RHAG: variants seen among roughly 807,000 people sequenced by gnomAD.
RHAG encodes the protein Rh associated glycoprotein, also known as ammonium transporter Rh type A.
Under a neutral mutation model 42.4 loss-of-function variants are expected in RHAG, and 25 were observed. The observed-to-expected ratio is 0.59, with a 90% CI of 0.43 to 0.82. The LOEUF (loss-of-function observed/expected upper bound fraction) is 0.82, where lower values mean the gene tolerates loss of function less well. RHAG is among the 40% of genes least tolerant of loss of function. RHAG has a pLI of 0.00. For missense variants in RHAG, 483 were observed against 504.6 expected (o/e 0.96, Z 0.41); for synonymous variants, 182 against 177.7 (o/e 1.02, Z -0.19).
chr6:49,606,705 A>G (rs1160918211), intron 9 of RHAG, 143 bp downstream of exon 9: 21 of 702,148 alleles, frequency 3.0e-5, no homozygotes, highest in Non-Finnish European at 2.9e-5. Flanking sequence ...CAACGTGCTG[A>G]GATTACATGT....
chr6:49,633,113 C>A (rs1421257190), intron 1 of RHAG, among the ~76,000 whole-genome samples: 2 of 152,160 alleles, frequency 1.3e-5, no homozygotes, highest in African/African-American at 4.8e-5. Context: ...CGACAGAATA[C>A]AAGTGATGAG....
intron 9 of RHAG, 91 bp downstream of exon 9, chr6:49,606,757 C>A (rs1017593562): frequency 9.0e-6 from 8 of 891,326 alleles, no homozygotes; most frequent in African/African-American, 8.3e-5. Flanking sequence ...TTTCATCACA[C>A]CTATGCACAC....
At chr6:49,612,126 C>T (rs1257773241) in intron 6 of RHAG, among the ~76,000 whole-genome samples, 1 of 152,040 alleles carries the variant, frequency 6.6e-6, no homozygotes, top group East Asian at 1.9e-4. Flanking sequence ...ATGGAGCAGT[C>T]CCAAAGGAAA....
chr6:49,632,124 G>A (rs1453229949), intron 1 of RHAG: 2 of 152,144 alleles, frequency 1.3e-5, no homozygotes, highest in South Asian at 2.1e-4. Context: ...TTTGCCTTTT[G>A]TGTATGACAT....
At chr6:49,609,628 T>C (rs1368953045) in intron 7 of RHAG, among the ~76,000 whole-genome samples, 3 of 152,172 alleles carry the variant, frequency 2.0e-5, no homozygotes, top group Admixed American at 2.0e-4. Flanking sequence ...GGTTAAAAAA[T>C]ACAGAAGAAA....
intron 5 of RHAG, 67 bp from the exon 6 acceptor site, chr6:49,612,601 T>C: frequency 6.3e-7 from 1 of 1,587,420 alleles, no homozygotes; most frequent in Non-Finnish European, 8.6e-7. Flanking sequence ...GATCAGAGGA[T>C]TCTAGAGTTC....
At chr6:49,635,489 A>G (rs1762997104) in intron 1 of RHAG, among the ~76,000 whole-genome samples, 1 of 152,166 alleles carries the variant, frequency 6.6e-6, no homozygotes, top group Non-Finnish European at 1.5e-5. Flanking sequence ...GGATGAATGA[A>G]TGAAATGTAC....
At chr6:49,608,789 C>T (rs911111274) in intron 7 of RHAG, among the ~76,000 whole-genome samples, 1 of 152,016 alleles carries the variant, frequency 6.6e-6, no homozygotes, top group Non-Finnish European at 1.5e-5. Flanking sequence ...CATGCTTTAT[C>T]GCTTTGATAA....
chr6:49,612,503 C>G lies in RHAG; in HGVS notation c.839G>C (p.Gly280Ala). The stretch of plus-strand genomic sequence containing the variant: ...ATCCGCACAAGTGCCCACAGCAACT[C>G]CTCCAGCAAGGGTGGCATTCTGAAT... Reference protein sequence around the residue: ...VHIQNATLAGGVAVGTCADMA... With the variant: ...VHIQNATLAGAVAVGTCADMA... The change falls in exon 6 of 10, where the codon GGA becomes GCA. Residue 280 changes from glycine (G) to alanine (A), a missense_variant. Gly to Ala is a moderately conservative substitution (Grantham distance 60). Coordinates refer to ENST00000371175, the MANE Select transcript of RHAG (RefSeq NM_000324.3). The G allele has an allele frequency of 6.2e-7, 1 of 1,614,098 alleles. No individual in the cohort carries two copies. The highest frequency in any genetic ancestry group is 8.5e-7 in the Non-Finnish European group (1 of 1,180,002).
chr6:49,625,827 A>G (rs1178771255), intron 1 of RHAG, among the ~76,000 whole-genome samples: 2 of 152,192 alleles, frequency 1.3e-5, no homozygotes, highest in East Asian at 3.8e-4. Context: ...TCACAGTTCC[A>G]CAAGGCTGGG....
In RHAG at chr6:49,607,209, A is replaced by G. The variant is rs1339169605; in HGVS notation, c.1079T>C (p.Met360Thr). Residue 360 changes from methionine (M) to threonine (T), a missense_variant, in exon 8 of 10, where the codon ATG (methionine) becomes ACG (threonine). Physicochemically the swap from Met to Thr is moderately conservative, Grantham distance 81. Transcript: ENST00000371175. ...AMGASNTSMA[M>T]QAAALGSSIG... ...AGAGGAACCCAGTGCAGCTGCCTGC[A>G]TGGCCATAGACCTAAGGAAGCAAAC... 6.2e-7 allele frequency: 1 copy of G among 1,613,560 alleles called. No individual in the cohort carries two copies. Among genetic ancestry groups the G allele is most frequent in the Admixed American group, 1.7e-5 (1 of 59,940 alleles).
intron 1 of RHAG, among the ~76,000 whole-genome samples, chr6:49,623,460 A>G (rs1485388454): frequency 6.6e-6 from 1 of 152,180 alleles, no homozygotes; most frequent in African/African-American, 2.4e-5. Flanking sequence ...CCACTAAAGG[A>G]ATACAGTGTC....
At chr6:49,628,341 C>T (rs1581950298) in intron 1 of RHAG, among the ~76,000 whole-genome samples, 1 of 152,218 alleles carries the variant, frequency 6.6e-6, no homozygotes. Context: ...GACAGGGTCT[C>T]ACTATGTTTT....
chr6:49,617,009 C>T (rs1452985047), intron 3 of RHAG, among the ~76,000 whole-genome samples: 1 of 152,168 alleles, frequency 6.6e-6, no homozygotes, highest in Non-Finnish European at 1.5e-5. Flanking sequence ...CTGTTTTTCC[C>T]TTTGGGACCA....
chr6:49,634,956 CTGTGTG>C (rs72452277), intron 1 of RHAG, among the ~76,000 whole-genome samples: 1 of 129,642 alleles, frequency 7.7e-6, no homozygotes, highest in Admixed American at 8.2e-5. Flanking sequence ...GTGTGTACAC[CTGTGTG>C]TGTGTGTGTG....
At chr6:49,628,683 C>T (rs1312000280) in intron 1 of RHAG, among the ~76,000 whole-genome samples, 4 of 150,116 alleles carry the variant, frequency 2.7e-5, no homozygotes, top group African/African-American at 7.4e-5. Flanking sequence ...CTCATGGTCT[C>T]GCTGGCTTCA....
intron 1 of RHAG, among the ~76,000 whole-genome samples, chr6:49,628,203 C>A (rs1450804909): frequency 3.3e-5 from 5 of 151,850 alleles, no homozygotes; most frequent in Non-Finnish European, 7.4e-5. Flanking sequence ...GTTGCCCAGG[C>A]TGGAGTGCAG....
intron 1 of RHAG, among the ~76,000 whole-genome samples, chr6:49,626,388 A>G (rs1581948860): frequency 6.6e-6 from 1 of 152,232 alleles, no homozygotes; most frequent in African/African-American, 2.4e-5. Flanking sequence ...CTGAAATCCA[A>G]TGGGCAGTCC....
intron 3 of RHAG, among the ~76,000 whole-genome samples, chr6:49,617,580 C>T (rs1347608816): frequency 6.6e-6 from 1 of 152,088 alleles, no homozygotes; most frequent in African/African-American, 2.4e-5. Flanking sequence ...TAGAATGCCC[C>T]TAAATGTTCT....
Sources: gnomAD v4.1 joint callset for allele counts (sites outside exome capture counted in the v4.1 genomes callset) on GRCh38, gnomAD v4.1.1 for gene constraint, MANE v1.5 for transcripts, NCBI Gene and HGNC (gene_info 2026-07-23, HGNC 2026-07-21) for gene names.